KIRREL3: variants seen among roughly 807,000 people sequenced by gnomAD.
KIRREL3 encodes kin of IRRE-like protein 3.
In KIRREL3, 36 loss-of-function variants were observed where a neutral mutation model predicts 89.7. That is an observed-to-expected ratio of 0.40 (90% CI 0.31 to 0.53). The LOEUF (loss-of-function observed/expected upper bound fraction) is 0.53. Ranked by LOEUF, KIRREL3 falls within the 20% of genes least tolerant of loss-of-function variation. KIRREL3 has a pLI of 0.49. For missense variants in KIRREL3, 864 were observed against 1,056.6 expected (o/e 0.82, Z 2.53); for synonymous variants, 445 against 441.4 (o/e 1.01, Z -0.10).
In KIRREL3 at chr11:126,477,449, G is replaced by A. The variant is rs1957097790; in HGVS notation, c.434-3983C>T. 6.6e-6 allele frequency among the ~76,000 whole-genome samples: 1 copy of A among 152,188 alleles called. No homozygotes were observed. Among genetic ancestry groups the A allele is most frequent in the African/African-American group, 2.4e-5 (1 of 41,460 alleles). ...CGGGTGGACAGGTGGCATGGGGAGA[G>A]GGAAATTGAGGCCAGAGAGCACAAG... On this transcript the variant is annotated intron_variant, in intron 4 of 16. Transcript: ENST00000525144. The surrounding 1 kb of genome is among the most constrained non-coding windows in gnomAD (Gnocchi z 4.8).
chr11:126,600,734 T>A (rs888064968), intron 1 of KIRREL3, among the ~76,000 whole-genome samples: 1 of 152,216 alleles, frequency 6.6e-6, no homozygotes. Flanking sequence ...TAAGTAAAAT[T>A]TGAATTTTTG....
intron 1 of KIRREL3, among the ~76,000 whole-genome samples, chr11:126,629,293 C>T (rs993061017): frequency 1.3e-5 from 2 of 152,158 alleles, no homozygotes; most frequent in South Asian, 4.1e-4. Flanking sequence ...AAGCAGATGT[C>T]CTCACCCCAG....
Position 126,655,548 on chromosome 11 carries a change from C to T in KIRREL3, c.56-92636G>A, listed in dbSNP as rs894944291. On this transcript the variant is annotated intron_variant, in intron 1 of 16. Coordinates refer to ENST00000525144, the MANE Select transcript of KIRREL3 (RefSeq NM_032531.4). This position sits in a 1 kb window ranked among gnomAD's most constrained non-coding sequence, Gnocchi z 5.0. ...ACCTCAAGTTGTTTCTCTTCCTGCC[C>T]AGGGAAGGCAGCTACTGTGTGTCCC... Among the ~76,000 whole-genome samples the T allele has an allele frequency of 2.6e-5, 4 of 152,186 alleles. No homozygotes were observed. The highest frequency in any genetic ancestry group is 2.0e-4 in the Admixed American group (3 of 15,278).
intron 1 of KIRREL3, among the ~76,000 whole-genome samples, chr11:126,952,207 G>C (rs1470721919): frequency 6.6e-6 from 1 of 151,848 alleles, no homozygotes; most frequent in Non-Finnish European, 1.5e-5. Flanking sequence ...CCTACACAGT[G>C]AGACCCTGTC....
intron 1 of KIRREL3, among the ~76,000 whole-genome samples, chr11:126,941,336 G>A (rs1188176999): frequency 6.6e-6 from 1 of 152,120 alleles, no homozygotes. Context: ...CACTGTATTT[G>A]TCTGATGCTG....
chr11:126,575,677 T>C lies in KIRREL3; in HGVS notation c.56-12765A>G, dbSNP rs1941217754. 6.6e-6 allele frequency among the ~76,000 whole-genome samples: 1 copy of C among 152,200 alleles called. No homozygotes were observed. The highest frequency in any genetic ancestry group is 1.5e-5 in the Non-Finnish European group (1 of 68,036). ...GAGACTGCTATGTTGTTGGAGTTAATACCCACAGCAGCTCAAGGAACAGCT... is the reference window on the plus strand; with the variant it reads ...GAGACTGCTATGTTGTTGGAGTTAACACCCACAGCAGCTCAAGGAACAGCT... On this transcript the variant is annotated intron_variant, in intron 1 of 16. Coordinates refer to ENST00000525144, the MANE Select transcript of KIRREL3 (RefSeq NM_032531.4). This position sits in a 1 kb window ranked among gnomAD's most constrained non-coding sequence, Gnocchi z 7.0.
In KIRREL3 at chr11:126,571,528, T is replaced by C. The variant is rs1012405793; in HGVS notation, c.56-8616A>G. Among the ~76,000 whole-genome samples the C allele has an allele frequency of 1.3e-5, 2 of 152,228 alleles. No homozygotes were observed. Among genetic ancestry groups the C allele is most frequent in the Non-Finnish European group, 2.9e-5 (2 of 68,034 alleles). ...TGAAAGCTGCCATGTGCTGATTGCT[T>C]ATGCTTCATTAGTCTCTGGGCTGAG... On this transcript the variant is annotated intron_variant, in intron 1 of 16. Coordinates refer to ENST00000525144, the MANE Select transcript of KIRREL3 (RefSeq NM_032531.4). The surrounding 1 kb of genome is among the most constrained non-coding windows in gnomAD (Gnocchi z 7.7).
Position 126,568,454 on chromosome 11 carries a change from C to A in KIRREL3, c.56-5542G>T, listed in dbSNP as rs1380829201. ...CCCTCAGTTTTATCCTGACATTCAT[C>A]CCTGCCACGTTGACATAGAGAGCAG... On this transcript the variant is annotated intron_variant, in intron 1 of 16. Transcript: ENST00000525144. This position sits in a 1 kb window ranked among gnomAD's most constrained non-coding sequence, Gnocchi z 4.6. 6.6e-6 allele frequency among the ~76,000 whole-genome samples: 1 copy of A among 152,190 alleles called. No individual in the cohort carries two copies. Among genetic ancestry groups the A allele is most frequent in the East Asian group, 1.9e-4 (1 of 5,194 alleles).
At chr11:126,984,693 C>A (rs1256482101) in intron 1 of KIRREL3, among the ~76,000 whole-genome samples, 1 of 152,204 alleles carries the variant, frequency 6.6e-6, no homozygotes, top group Non-Finnish European at 1.5e-5. Context: ...CCACTTTTTA[C>A]CAGGAACTTT....
intron 4 of KIRREL3, among the ~76,000 whole-genome samples, chr11:126,510,710 T>G (rs1958193035): frequency 6.6e-6 from 1 of 152,176 alleles, no homozygotes; most frequent in Non-Finnish European, 1.5e-5. Flanking sequence ...CTGAACCTCC[T>G]CATTTTTAAA....
In KIRREL3 at chr11:126,763,121, G is replaced by C. The variant is rs1051083715; in HGVS notation, c.56-200209C>G. Among the ~76,000 whole-genome samples, 4 of 152,206 alleles carry C rather than the reference G, an allele frequency of 2.6e-5. No homozygotes were observed. Among genetic ancestry groups the C allele is most frequent in the Non-Finnish European group, 5.9e-5 (4 of 68,052 alleles). On this transcript the variant is annotated intron_variant, in intron 1 of 16. Transcript: ENST00000525144. The surrounding 1 kb of genome is among the most constrained non-coding windows in gnomAD (Gnocchi z 4.7). ...CATTCCTATCCTCGTCTGGCATTGA[G>C]AGAAGAGTGCAGGACTGGGTTTGAG...
rs1310297490 is a variant in KIRREL3 at position 126,965,260 on chromosome 11, C to T, written c.55+35195G>A. 1.3e-5 allele frequency among the ~76,000 whole-genome samples: 2 copies of T among 152,076 alleles called. No individual in the cohort carries two copies. The highest frequency in any genetic ancestry group is 2.9e-5 in the Non-Finnish European group (2 of 68,002). ...TACTTTCATTTAGTTAATTTATATC[C>T]CATTGTTCACAAATCTACTTAGGCT... is the stretch of plus-strand genomic sequence containing the variant. On this transcript the variant is annotated intron_variant, in intron 1 of 16. Coordinates refer to ENST00000525144, the MANE Select transcript of KIRREL3 (RefSeq NM_032531.4). This position sits in a 1 kb window ranked among gnomAD's most constrained non-coding sequence, Gnocchi z 4.4.
chr11:126,932,258 C>G (rs1322473286), intron 1 of KIRREL3, among the ~76,000 whole-genome samples: 10 of 152,078 alleles, frequency 6.6e-5, no homozygotes, highest in African/African-American at 2.4e-4. Flanking sequence ...AAGAGGAGGG[C>G]CCTATTTCAA....
intron 1 of KIRREL3, among the ~76,000 whole-genome samples, chr11:126,926,228 T>C (rs1947709812): frequency 6.6e-6 from 1 of 152,204 alleles, no homozygotes; most frequent in African/African-American, 2.4e-5. Flanking sequence ...GGGTTTGAAC[T>C]CTGGATAGAC....
intron 1 of KIRREL3, among the ~76,000 whole-genome samples, chr11:126,759,513 A>G (rs1170784329): frequency 6.6e-6 from 1 of 152,240 alleles, no homozygotes; most frequent in East Asian, 1.9e-4. Context: ...TTCTGGAGGT[A>G]TGCTCATAGT....
At chr11:126,816,402 C>T (rs1252127295) in intron 1 of KIRREL3, among the ~76,000 whole-genome samples, 2 of 152,158 alleles carry the variant, frequency 1.3e-5, no homozygotes, top group African/African-American at 4.8e-5. Flanking sequence ...GTTTGACAAG[C>T]CAATAGTATG....
At chr11:126,820,926 C>T (rs898096096) in intron 1 of KIRREL3, among the ~76,000 whole-genome samples, 13 of 152,054 alleles carry the variant, frequency 8.5e-5, no homozygotes, top group Admixed American at 3.3e-4. Context: ...ATCTCAAGGA[C>T]CTGGCGTGCC....
intron 1 of KIRREL3, among the ~76,000 whole-genome samples, chr11:126,637,497 C>A (rs1944312555): frequency 6.6e-6 from 1 of 152,172 alleles, no homozygotes; most frequent in South Asian, 2.1e-4. Flanking sequence ...CAAGCCTCTG[C>A]CTATTTGTCC....
chr11:126,506,189 C>T (rs1958007750), intron 4 of KIRREL3, among the ~76,000 whole-genome samples: 1 of 152,020 alleles, frequency 6.6e-6, no homozygotes, highest in Non-Finnish European at 1.5e-5. Context: ...TCTTTGTGAC[C>T]TTTGATTAGG....
Sources: allele counts gnomAD v4.1 joint callset (sites outside exome capture counted in the v4.1 genomes callset), GRCh38; gene constraint gnomAD v4.1.1; non-coding constraint Gnocchi (gnomAD v3.1); transcripts MANE v1.5; gene names NCBI Gene and HGNC (gene_info 2026-07-23, HGNC 2026-07-21).